The following SLC30A6 variants were observed in gnomAD, a reference collection of about 807,000 sequenced individuals.
SLC30A6 encodes solute carrier family 30 member 6, also known as zinc transporter 6.
Under a neutral mutation model 63.0 loss-of-function variants are expected in SLC30A6, and 55 were observed. The observed-to-expected ratio is 0.87, with a 90% CI of 0.70 to 1.09. The LOEUF (loss-of-function observed/expected upper bound fraction) is 1.09. Among genes scored for constraint, SLC30A6 ranks in the 50% least tolerant of loss-of-function variants. The pLI is 0.00. For missense variants in SLC30A6, 587 were observed against 549.2 expected (o/e 1.07, Z -0.69); for synonymous variants, 224 against 186.1 (o/e 1.20, Z -1.66).
intron 10 of SLC30A6, chr2:32,201,704 A>T (rs1684310477): frequency 7.1e-7 from 1 of 1,410,072 alleles, no homozygotes; most frequent in African/African-American, 1.4e-5. Context: ...TGGATATCAC[A>T]GTTTCGGCTA....
chr2:32,190,813 A>G (rs1683262317), intron 5 of SLC30A6, among the ~76,000 whole-genome samples: 1 of 152,148 alleles, frequency 6.6e-6, no homozygotes, highest in East Asian at 1.9e-4. Flanking sequence ...TTTAGTAGAG[A>G]CTGGGTTTCG....
intron 10 of SLC30A6, chr2:32,202,507 A>G (rs1337773049): frequency 7.3e-6 from 2 of 275,716 alleles, no homozygotes; most frequent in South Asian, 3.9e-5. Context: ...TTTTTTTTGT[A>G]TTTTTAGTAG....
intron 1 of SLC30A6, among the ~76,000 whole-genome samples, chr2:32,167,731 TA>T (rs1272976927): frequency 6.6e-6 from 1 of 152,160 alleles, no homozygotes; most frequent in Non-Finnish European, 1.5e-5. Flanking sequence ...AATAGAAACT[TA>T]ACTTGCCTAT....
At chr2:32,170,515 G>A (rs932726255) in intron 1 of SLC30A6, among the ~76,000 whole-genome samples, 3 of 152,102 alleles carry the variant, frequency 2.0e-5, no homozygotes, top group African/African-American at 7.2e-5. Flanking sequence ...ACACTAGCAG[G>A]GGCCAGGGAG....
Position 32,197,745 on chromosome 2 carries a change from T to G in SLC30A6, c.584T>G (p.Leu195Arg). The G allele has an allele frequency of 3.7e-6, 6 of 1,614,174 alleles. No individual in the cohort carries two copies. Among genetic ancestry groups the G allele is most frequent in the Non-Finnish European group, 5.1e-6 (6 of 1,179,998 alleles). ...ATTCCGGGACTTAGCAGTATCTTCC[T>G]TCCCCGAATGAATCCATTTGTTTTG... ...GIIPGLSSIF[L>R]PRMNPFVLID... Residue 195 changes from leucine (L) to arginine (R), a missense_variant, in exon 10 of 14, where the codon CTT becomes CGT. Coordinates refer to ENST00000282587, the MANE Select transcript of SLC30A6 (RefSeq NM_017964.5).
intron 10 of SLC30A6, among the ~76,000 whole-genome samples, chr2:32,199,000 C>T (rs1462627592): frequency 6.6e-6 from 1 of 152,176 alleles, no homozygotes; most frequent in South Asian, 2.1e-4. Flanking sequence ...TCCTCCTCCT[C>T]ACAGCCCCTG....
chr2:32,211,528 T>TTAAG (rs1418455224), intron 13 of SLC30A6, among the ~76,000 whole-genome samples: 1 of 152,224 alleles, frequency 6.6e-6, no homozygotes, highest in African/African-American at 2.4e-5. Flanking sequence ...AGATTTTTTT[T>TTAAG]TAAGTTCAGT....
rs567564446 is a variant in SLC30A6 at position 32,204,369 on chromosome 2, A to C, written c.666-221A>C. On this transcript the variant is annotated intron_variant, in intron 10 of 13. Transcript: ENST00000282587. ...ATCATACCTCTTCCTACTAATTAAC[A>C]TAATTATTAGTTATTTTTCCACTAA... Among the ~76,000 whole-genome samples, 17 of 152,278 alleles carry C rather than the reference A, an allele frequency of 1.1e-4. 1 individual carries two copies. The South Asian group carries it at 3.3e-3, about 30-fold the overall frequency.
At chr2:32,166,773 G>A (rs1026130421) in intron 1 of SLC30A6, among the ~76,000 whole-genome samples, 2 of 152,152 alleles carry the variant, frequency 1.3e-5, no homozygotes, top group African/African-American at 4.8e-5. Context: ...GGATATGGTC[G>A]GGAAAATGCC....
At position 32,184,267 on chromosome 2, in the gene SLC30A6, A is replaced by C. The variant is rs757059905; in HGVS notation, c.219-6A>C. 6.7e-7 allele frequency: 1 copy of C among 1,482,788 alleles called. No individual in the cohort carries two copies. The highest frequency in any genetic ancestry group is 9.1e-7 in the Non-Finnish European group (1 of 1,097,394). The allele number at this position is 1,482,788 out of a possible 1,614,324, so 91.9% of individuals were successfully genotyped here. ...TAATACTAAATTTATTTTTCTTTTTACTTAGTTTAATGACATGTTTAATAA... is the reference window on the plus strand; with the variant it reads ...TAATACTAAATTTATTTTTCTTTTTCCTTAGTTTAATGACATGTTTAATAA... On this transcript the variant is annotated splice_region_variant and splice_polypyrimidine_tract_variant and intron_variant, in intron 4 of 13. Transcript: ENST00000282587.
intron 8 of SLC30A6, 47 bp from the exon 9 acceptor site, chr2:32,197,297 G>GT (rs151324916): frequency 0.094 from 138,376 of 1,468,492 alleles, 5,586 homozygotes; most frequent in Middle Eastern, 0.11. Context: ...TCAGGTAGTG[G>GT]TTTTTTTTTC....
Position 32,212,894 on chromosome 2 carries a change from ATTTTTTTT to A in SLC30A6, c.885+3353_885+3360del, listed in dbSNP as rs10522618. ...ACAGGAGTGAGCCACTGTGTCCAGCATTTTTTTTTTTTTTTTTTTTTTTTTTTAAGGAG... is the reference window on the plus strand; with the variant it reads ...ACAGGAGTGAGCCACTGTGTCCAGCATTTTTTTTTTTTTTTTTTTAAGGAG... On this transcript the variant is annotated intron_variant, in intron 13 of 13. Transcript: ENST00000282587. 1.6e-3 allele frequency among the ~76,000 whole-genome samples: 186 copies of A among 118,188 alleles called. 1 individual carries two copies. Among genetic ancestry groups the A allele is most frequent in the East Asian group, 3.1e-3 (12 of 3,888 alleles). The allele number at this position is 118,188 out of a possible 152,430, so 77.5% of individuals were successfully genotyped here. A position where few individuals can be genotyped will look rare whatever the true frequency, so the allele number is the denominator to read the frequency against.
intron 7 of SLC30A6, 54 bp from the exon 8 acceptor site, chr2:32,193,835 T>A: frequency 7.1e-7 from 1 of 1,414,956 alleles, no homozygotes; most frequent in Non-Finnish European, 1.0e-6. Context: ...TGAAATTACA[T>A]ACTGATAATA....
At chr2:32,186,996 C>CAAAA (rs760128005) in intron 5 of SLC30A6, among the ~76,000 whole-genome samples, 7 of 50,930 alleles carry the variant, frequency 1.4e-4, no homozygotes, top group Middle Eastern at 8.3e-3. Flanking sequence ...ACGCTGTCTC[C>CAAAA]AAAAAAAAAA....
In SLC30A6 at chr2:32,220,717, A is replaced by G. The variant is rs755328442; in HGVS notation, c.*4A>G. The G allele has an allele frequency of 1.3e-6, 2 of 1,599,044 alleles. No individual in the cohort carries two copies. The highest frequency in any genetic ancestry group is 1.7e-6 in the Non-Finnish European group (2 of 1,172,068). ...AATTGGACAACCAAGACCATGATAG[A>G]CTCTAACTTATTTTTATAAGGAATA... On this transcript the variant is annotated 3_prime_UTR_variant, in exon 14 of 14. Transcript: ENST00000282587.
At chr2:32,173,042 T>C (rs2148802867) in intron 2 of SLC30A6, among the ~76,000 whole-genome samples, 1 of 152,344 alleles carries the variant, frequency 6.6e-6, no homozygotes, top group South Asian at 2.1e-4. Context: ...GATGTCCCTA[T>C]AATTGTTCTG....
At chr2:32,204,811 ATT>A (rs71407425) in intron 11 of SLC30A6, 119 bp downstream of exon 11, 923 of 182,354 alleles carry the variant, frequency 5.1e-3, no homozygotes, top group East Asian at 9.1e-3. Context: ...TTTAATTTTA[ATT>A]TTTTTTTTTT....
At chr2:32,177,094 A>G (rs189244402) in intron 4 of SLC30A6, among the ~76,000 whole-genome samples, 10 of 152,148 alleles carry the variant, frequency 6.6e-5, no homozygotes, top group African/African-American at 2.4e-4. Flanking sequence ...CCTTGTCTCA[A>G]AAAGAGACCA....
intron 8 of SLC30A6, among the ~76,000 whole-genome samples, chr2:32,195,972 T>G (rs1467985588): frequency 5.9e-5 from 9 of 151,800 alleles, no homozygotes; most frequent in Non-Finnish European, 1.3e-4. Context: ...ATTGCTTGAG[T>G]TCAGGAGTTT....
Sources: allele counts gnomAD v4.1 joint callset (sites outside exome capture counted in the v4.1 genomes callset), GRCh38; gene constraint gnomAD v4.1.1; transcripts MANE v1.5; gene names NCBI Gene and HGNC (gene_info 2026-07-23, HGNC 2026-07-21).